The following SRGAP3 variants were observed in gnomAD, a reference collection of about 807,000 sequenced individuals.
SRGAP3 encodes the protein SLIT-ROBO Rho GTPase activating protein 3.
In SRGAP3, 39 loss-of-function variants were observed where a neutral mutation model predicts 121.1. The ratio of observed to expected loss-of-function variants is 0.32; its 90% CI spans 0.25 to 0.42. The LOEUF (loss-of-function observed/expected upper bound fraction) is 0.42, where lower values mean the gene tolerates loss of function less well. Ranked by LOEUF, SRGAP3 falls within the 10% of genes least tolerant of loss-of-function variation. The pLI, the probability that SRGAP3 is intolerant of heterozygous loss-of-function variation, is 1.00. For synonymous variants in SRGAP3, 601 were observed against 570.0 expected (o/e 1.05, Z -0.77); for missense variants, 1,213 against 1,470.6 (o/e 0.82, Z 2.86).
At chr3:9,060,801 T>A (rs1410182733) in intron 5 of SRGAP3, among the ~76,000 whole-genome samples, 2 of 151,920 alleles carry the variant, frequency 1.3e-5, no homozygotes, top group Admixed American at 1.3e-4. Context: ...GCCACACCTA[T>A]GGAAGACCTC....
At chr3:9,307,143 T>C (rs1955173394) in intron 3 of SRGAP3, among the ~76,000 whole-genome samples, 1 of 152,132 alleles carries the variant, frequency 6.6e-6, no homozygotes, top group African/African-American at 2.4e-5. Flanking sequence ...TGGCTTATTT[T>C]TTGTGTTTTT....
chr3:9,156,180 T>C (rs1435151456), intron 1 of SRGAP3, among the ~76,000 whole-genome samples: 1 of 152,236 alleles, frequency 6.6e-6, no homozygotes, highest in Non-Finnish European at 1.5e-5. Context: ...CATTATTAGC[T>C]TTTGCTTATT....
chr3:9,154,863 CT>C lies in SRGAP3; in HGVS notation c.68-29947del, dbSNP rs55893707. Among the ~76,000 whole-genome samples the C allele has an allele frequency of 5.6e-3, 802 of 142,934 alleles. 2 individuals are homozygous for C. Among genetic ancestry groups the C allele is most frequent in the Middle Eastern group, 7.1e-3 (2 of 280 alleles). 93.8% of individuals were successfully genotyped at this position (142,934 alleles called of 152,430 possible). ...GGAGTAGAAACTGCCCTCTCTAGAA[CT>C]TTTTTTTTTTTTTGCACAAAGGTTT... On this transcript the variant is annotated intron_variant, in intron 1 of 21. Coordinates refer to ENST00000383836, the MANE Select transcript of SRGAP3 (RefSeq NM_014850.4).
At chr3:9,121,496 C>T (rs565522537) in intron 2 of SRGAP3, among the ~76,000 whole-genome samples, 6 of 152,156 alleles carry the variant, frequency 3.9e-5, no homozygotes, top group African/African-American at 9.6e-5. Flanking sequence ...GAAGCGGAGA[C>T]GGCTCTGCCA....
At chr3:9,289,025 T>C (rs1295164679) in intron 3 of SRGAP3, among the ~76,000 whole-genome samples, 4 of 152,310 alleles carry the variant, frequency 2.6e-5, no homozygotes, top group South Asian at 2.1e-4. Context: ...GCCTCCCAAG[T>C]AGCCGGGACT....
intron 1 of SRGAP3, among the ~76,000 whole-genome samples, chr3:9,246,341 G>A (rs1160318658): frequency 6.6e-6 from 1 of 152,152 alleles, no homozygotes; most frequent in Non-Finnish European, 1.5e-5. Flanking sequence ...ACTGTTTTTG[G>A]TGACTGGTCA....
chr3:9,076,763 A>G (rs759032626), intron 4 of SRGAP3, among the ~76,000 whole-genome samples: 8 of 150,286 alleles, frequency 5.3e-5, no homozygotes, highest in Non-Finnish European at 1.0e-4. Flanking sequence ...CTCAACTAAT[A>G]CACACCCATC....
intron 1 of SRGAP3, among the ~76,000 whole-genome samples, chr3:9,234,294 C>A (rs141952787): frequency 2.2e-3 from 338 of 152,292 alleles, no homozygotes; most frequent in Non-Finnish European, 3.3e-3. Context: ...AGACCCAAAA[C>A]ATCCTGTCTG....
Position 9,067,060 on chromosome 3 carries a change from G to T in SRGAP3, c.487-2479C>A, listed in dbSNP as rs949519364. 1.3e-5 allele frequency among the ~76,000 whole-genome samples: 2 copies of T among 152,224 alleles called. 1 individual carries two copies. Among genetic ancestry groups the T allele is most frequent in the Middle Eastern group, 6.8e-3 (2 of 294 alleles). ...CCTATGCTTGTTATGAGCACTAAAT[G>T]AGTTAATTTCTGTAAAGTGCTGAGA... On this transcript the variant is annotated intron_variant, in intron 4 of 21. Transcript: ENST00000383836.
At chr3:9,355,229 C>T (rs1328741763) in intron 1 of SRGAP3, among the ~76,000 whole-genome samples, 2 of 152,224 alleles carry the variant, frequency 1.3e-5, no homozygotes, top group South Asian at 2.1e-4. Flanking sequence ...CAGAATTTGA[C>T]AGTTCTCACC....
At chr3:9,164,584 C>T (rs1950719288) in intron 1 of SRGAP3, among the ~76,000 whole-genome samples, 1 of 152,112 alleles carries the variant, frequency 6.6e-6, no homozygotes, top group Admixed American at 6.6e-5. Flanking sequence ...GCCACCGCAC[C>T]CAGCCCCACC....
At chr3:9,102,907 GAAA>G (rs1465011469) in intron 3 of SRGAP3, among the ~76,000 whole-genome samples, 3 of 152,110 alleles carry the variant, frequency 2.0e-5, no homozygotes, top group African/African-American at 7.2e-5. Flanking sequence ...TCCCACCAAG[GAAA>G]AAAGATGTGA....
intron 1 of SRGAP3, among the ~76,000 whole-genome samples, chr3:9,198,700 T>C (rs944923020): frequency 6.6e-6 from 1 of 152,176 alleles, no homozygotes; most frequent in African/African-American, 2.4e-5. Flanking sequence ...TAGCACAGGA[T>C]GAATACGTCA....
intron 4 of SRGAP3, among the ~76,000 whole-genome samples, chr3:9,074,459 C>G (rs534075628): frequency 6.6e-6 from 1 of 152,232 alleles, no homozygotes; most frequent in Non-Finnish European, 1.5e-5. Context: ...GCTCTTCCAG[C>G]ACGCAGGGCT....
chr3:9,347,057 G>C (rs1198613012), intron 1 of SRGAP3, among the ~76,000 whole-genome samples: 4 of 152,136 alleles, frequency 2.6e-5, no homozygotes, highest in Admixed American at 2.6e-4. Context: ...CCCTCCCAAA[G>C]TGCTGGGATT....
At chr3:9,222,114 G>A (rs1952834337) in intron 1 of SRGAP3, among the ~76,000 whole-genome samples, 1 of 152,184 alleles carries the variant, frequency 6.6e-6, no homozygotes, top group African/African-American at 2.4e-5. Context: ...TCCCTTCAGA[G>A]TTAGGGAGGA....
At chr3:9,043,521 T>C (rs969689603) in intron 10 of SRGAP3, among the ~76,000 whole-genome samples, 4 of 151,852 alleles carry the variant, frequency 2.6e-5, no homozygotes, top group Admixed American at 2.6e-4. Context: ...CAGAACACAC[T>C]GAAGGAAAAC....
chr3:9,004,773 T>C (rs920761053), intron 18 of SRGAP3, among the ~76,000 whole-genome samples: 1 of 152,208 alleles, frequency 6.6e-6, no homozygotes, highest in African/African-American at 2.4e-5. Context: ...TAACTCAAAA[T>C]AGATCAAAGA....
intron 18 of SRGAP3, 70 bp downstream of exon 18, chr3:9,010,238 T>C (rs1301744779): frequency 5.2e-6 from 8 of 1,547,806 alleles, no homozygotes; most frequent in East Asian, 2.3e-5. Context: ...AGCCCTGTGG[T>C]TGGGCTGACA....
Sources: allele counts gnomAD v4.1 joint callset (sites outside exome capture counted in the v4.1 genomes callset), GRCh38; gene constraint gnomAD v4.1.1; transcripts MANE v1.5; gene names NCBI Gene and HGNC (gene_info 2026-07-23, HGNC 2026-07-21).